The following TRAPPC2 variants were observed in gnomAD, a reference collection of about 807,000 sequenced individuals.
TRAPPC2 encodes the protein trafficking protein particle complex subunit 2.
TRAPPC2 carries 4 observed loss-of-function variants against 10.0 expected under a neutral mutation model. That is an observed-to-expected ratio of 0.40 (90% CI 0.20 to 0.92). The LOEUF (loss-of-function observed/expected upper bound fraction) is 0.92. Ranked by LOEUF, TRAPPC2 falls within the 40% of genes least tolerant of loss-of-function variation. The pLI is 0.35. For synonymous variants in TRAPPC2, 36 were observed against 37.3 expected, an observed-to-expected ratio of 0.97 and a Z score of 0.12; for missense variants, 52 against 108.7, an observed-to-expected ratio of 0.48 and a Z score of 2.32.
rs1058890 is a variant in TRAPPC2, at chrX:13,712,926, A to G, written c.*1481T>C. ...CTACCAAATCTTGACTATGACATTT[A>G]TTTTTGGGTTGTTACATTAAGATCA... is the stretch of plus-strand genomic sequence containing the variant. On this transcript the variant is annotated 3_prime_UTR_variant, in exon 6 of 6. Coordinates refer to ENST00000380579, the MANE Select transcript of TRAPPC2 (RefSeq NM_001011658.4). 1 of 111,782 alleles carries G rather than the reference A, an allele frequency of 8.9e-6. No homozygotes were observed. The highest frequency in any genetic ancestry group is 2.8e-4 in the East Asian group (1 of 3,618). The allele number at this position is 111,782 out of a possible 1,213,427, so 9.2% of individuals were successfully genotyped here.
intron 2 of TRAPPC2, chrX:13,722,148 C>G (rs962300953): frequency 7.6e-5 from 7 of 91,619 alleles, no homozygotes; most frequent in Admixed American, 1.3e-4. Context: ...GACTAGATTT[C>G]AGAGCTGGAG....
At chrX:13,717,582 T>C (rs2046323711) in intron 3 of TRAPPC2, among the ~76,000 whole-genome samples, 1 of 110,164 alleles carries the variant, frequency 9.1e-6, no homozygotes, top group Non-Finnish European at 1.9e-5. Context: ...TCTCTACTAA[T>C]ACAAAAATTG....
chrX:13,716,498 TTTAG>T lies in TRAPPC2; in HGVS notation c.238+32_238+35del, dbSNP rs749356694. On this transcript the variant is annotated intron_variant, in intron 4 of 5. Coordinates refer to ENST00000380579, the MANE Select transcript of TRAPPC2 (RefSeq NM_001011658.4). ...GTTCTTCTGGTTTGTGAGCCCAAAC[TTTAG>T]TTAGTTACCTTTACTAAGAAGGTAA... 5.0e-6 allele frequency: 6 copies of T among 1,207,004 alleles called. No individual in the cohort carries two copies. In the African/African-American group the frequency reaches 7.0e-5, roughly 14 times the overall value.
chrX:13,722,728 C>T (rs2046448060), intron 2 of TRAPPC2, among the ~76,000 whole-genome samples: 1 of 112,090 alleles, frequency 8.9e-6, no homozygotes, highest in Non-Finnish European at 1.9e-5. Flanking sequence ...AAATGTTCTA[C>T]ACCTGTGCTG....
At chrX:13,715,821 AATAC>A in intron 5 of TRAPPC2, 179 bp downstream of exon 5, 1 of 974,109 alleles carries the variant, frequency 1.0e-6, no homozygotes, top group Non-Finnish European at 1.3e-6. Flanking sequence ...TGTGTTCCTA[AATAC>A]ATATTCACCT....
In TRAPPC2 at chrX:13,714,308, CAA is replaced by C. The variant is rs1371407270; in HGVS notation, c.*97_*98del. ...TAGGTTTAGATAAGCTGAGAATACA[CAA>C]AAGTTTTCCAGGCTATTTAATCAAG... On this transcript the variant is annotated 3_prime_UTR_variant, in exon 6 of 6. Transcript: ENST00000380579. The C allele has an allele frequency of 4.2e-6, 2 of 477,027 alleles. No homozygotes were observed. The highest frequency in any genetic ancestry group is 4.1e-5 in the East Asian group (1 of 24,614). 39.3% of individuals were successfully genotyped at this position (477,027 alleles called of 1,213,427 possible).
intron 2 of TRAPPC2, among the ~76,000 whole-genome samples, chrX:13,733,421 A>T (rs986811177): frequency 1.1e-4 from 12 of 111,166 alleles, no homozygotes; most frequent in African/African-American, 3.9e-4. Flanking sequence ...TTCTCTCTTC[A>T]TGCCTGGAAT....
chrX:13,729,201 C>T lies in TRAPPC2; in HGVS notation c.-20+4843G>A, dbSNP rs1020016964. Among the ~76,000 whole-genome samples, 5 of 111,577 alleles carry T rather than the reference C, an allele frequency of 4.5e-5. No individual in the cohort carries two copies. The Admixed American group carries it at 4.7e-4, about 11-fold the overall frequency. ...GGGTAATTTATAGATTCACTGCCAT[C>T]CCCATCAAGCTACCAATGACTTTCT... is the stretch of plus-strand genomic sequence containing the variant. On this transcript the variant is annotated intron_variant, in intron 2 of 5. Coordinates refer to ENST00000380579, the MANE Select transcript of TRAPPC2 (RefSeq NM_001011658.4).
rs372679107 is a variant in TRAPPC2, at chrX:13,714,650, C to T, written c.325-145G>A. 176 of 384,488 alleles carry T rather than the reference C, an allele frequency of 4.6e-4. 1 individual carries two copies. The highest frequency in any genetic ancestry group is 4.2e-3 in the Admixed American group (85 of 20,213). The allele number at this position is 384,488 out of a possible 1,213,427, so 31.7% of individuals were successfully genotyped here. On this transcript the variant is annotated intron_variant, in intron 5 of 5. Coordinates refer to ENST00000380579, the MANE Select transcript of TRAPPC2 (RefSeq NM_001011658.4). ...TTTTTAAGTTTTATTGAAAATGCTG[C>T]ATTGTTAATAACATCCTCTTAAGGA...
At chrX:13,722,563 G>A (rs1489116354) in intron 2 of TRAPPC2, among the ~76,000 whole-genome samples, 2 of 111,829 alleles carry the variant, frequency 1.8e-5, no homozygotes, top group African/African-American at 6.5e-5. Context: ...GACAGGTGAA[G>A]TGGAAGAACT....
intron 3 of TRAPPC2, among the ~76,000 whole-genome samples, chrX:13,718,324 T>G (rs1193714973): frequency 8.8e-6 from 1 of 113,315 alleles, no homozygotes; most frequent in African/African-American, 3.2e-5. Context: ...CAAAGCTAAG[T>G]GAATCCTTAG....
intron 2 of TRAPPC2, among the ~76,000 whole-genome samples, chrX:13,732,638 C>T (rs1397900334): frequency 8.9e-6 from 1 of 112,730 alleles, no homozygotes; most frequent in Non-Finnish European, 1.9e-5. Context: ...TATTCCAAAC[C>T]GTTCCATAGG....
chrX:13,718,623 AAAT>A (rs778295827), intron 3 of TRAPPC2, among the ~76,000 whole-genome samples: 3 of 112,581 alleles, frequency 2.7e-5, no homozygotes, highest in Middle Eastern at 4.6e-3. Flanking sequence ...TAATATGAGA[AAAT>A]AATGTCACAA....
intron 2 of TRAPPC2, among the ~76,000 whole-genome samples, chrX:13,729,963 A>G (rs1175859770): frequency 2.7e-5 from 3 of 112,131 alleles, no homozygotes; most frequent in Non-Finnish European, 5.6e-5. Flanking sequence ...AAAACCATAA[A>G]AACTCTAGAG....
intron 2 of TRAPPC2, among the ~76,000 whole-genome samples, chrX:13,729,659 G>T (rs776989616): frequency 2.7e-5 from 3 of 111,583 alleles, no homozygotes; most frequent in Non-Finnish European, 5.7e-5. Context: ...CTGTAATCCC[G>T]GCACTTTGGG....
chrX:13,719,601 T>G (rs944922320), intron 3 of TRAPPC2, among the ~76,000 whole-genome samples: 1 of 112,029 alleles, frequency 8.9e-6, no homozygotes, highest in African/African-American at 3.3e-5. Flanking sequence ...GAACTATGTC[T>G]TTATGTGCTT....
chrX:13,717,772 T>C (rs1006931489), intron 3 of TRAPPC2, among the ~76,000 whole-genome samples: 1 of 111,615 alleles, frequency 9.0e-6, no homozygotes, highest in African/African-American at 3.3e-5. Context: ...AAAGAATACC[T>C]GTTATGGGTT....
Position 13,716,705 on chromosome X carries a change from A to G in TRAPPC2, c.94-27T>C, listed in dbSNP as rs768865038. On this transcript the variant is annotated intron_variant, in intron 3 of 5. Coordinates refer to ENST00000380579, the MANE Select transcript of TRAPPC2 (RefSeq NM_001011658.4). The stretch of plus-strand genomic sequence containing the variant: ...TAGATGACAGTGTGAGCAACCACAG[A>G]TTAACATTTGCATATGGCATCGAGA... The G allele has an allele frequency of 1.7e-5, 20 of 1,205,594 alleles. 1 individual carries two copies. Among genetic ancestry groups the G allele is most frequent in the Middle Eastern group, 4.6e-4 (2 of 4,343 alleles).
intron 2 of TRAPPC2, among the ~76,000 whole-genome samples, chrX:13,724,830 G>C (rs1254485974): frequency 1.8e-5 from 2 of 112,620 alleles, no homozygotes; most frequent in African/African-American, 6.4e-5. Flanking sequence ...GGGGTCGGGG[G>C]ATTTCCCTCT....
Sources: allele counts gnomAD v4.1 joint callset (sites outside exome capture counted in the v4.1 genomes callset), GRCh38; gene constraint gnomAD v4.1.1; transcripts MANE v1.5; gene names NCBI Gene and HGNC (gene_info 2026-07-23, HGNC 2026-07-21).